RIBC2: variants seen among roughly 807,000 people sequenced by gnomAD.
RIBC2 encodes the protein RIB43A-like with coiled-coils protein 2.
RIBC2 carries 40 observed loss-of-function variants against 44.3 expected under a neutral mutation model. That is an observed-to-expected ratio of 0.90 (90% CI 0.70 to 1.18). The LOEUF (loss-of-function observed/expected upper bound fraction) is 1.18, where lower values mean the gene tolerates loss of function less well. Ranked by LOEUF, RIBC2 falls within the 50% of genes most tolerant of loss-of-function variation. The pLI, the probability that RIBC2 is intolerant of heterozygous loss-of-function variation, is 0.00. For missense variants in RIBC2, 459 were observed against 485.5 expected (o/e 0.95, Z 0.51); for synonymous variants, 171 against 175.0 (o/e 0.98, Z 0.18).
At chr22:45,429,880 G>A (rs370553220) in intron 5 of RIBC2, among the ~76,000 whole-genome samples, 4 of 152,184 alleles carry the variant, frequency 2.6e-5, no homozygotes, top group Admixed American at 6.5e-5. Context: ...ACTACTGCCC[G>A]CTTCCTTTCT....
intron 3 of RIBC2, among the ~76,000 whole-genome samples, chr22:45,421,499 T>TAATACTATTATTATTAA (rs2087478550): frequency 2.8e-5 from 1 of 35,170 alleles, no homozygotes; most frequent in African/African-American, 4.7e-4. Flanking sequence ...ATTATTATTA[T>TAATACTATTATTATTAA]TAATAATAGT....
rs2087529172 is a variant in RIBC2 at position 45,425,943 on chromosome 22, C to T, written c.676-5C>T. ...CCATCTTCTTTAATGTCTTCACCTG[C>T]TTAGGCCATCGAGTCAGTGGAAAGG... On this transcript the variant is annotated splice_region_variant and splice_polypyrimidine_tract_variant and intron_variant, in intron 4 of 6. Coordinates refer to ENST00000614167, the MANE Select transcript of RIBC2 (RefSeq NM_015653.5). 1.9e-6 allele frequency: 3 copies of T among 1,611,900 alleles called. No homozygotes were observed.
chr22:45,424,912 C>T (rs934465907), intron 4 of RIBC2, among the ~76,000 whole-genome samples: 12 of 151,910 alleles, frequency 7.9e-5, no homozygotes, highest in Admixed American at 7.2e-4. Context: ...TCTACCACCA[C>T]GCCCAGCTAA....
rs1054317007 is a variant in RIBC2 at position 45,432,446 on chromosome 22, C to T, written c.*84C>T. The T allele has an allele frequency of 1.5e-5, 13 of 854,176 alleles. No homozygotes were observed. Among genetic ancestry groups the T allele is most frequent in the Non-Finnish European group, 1.9e-5 (10 of 518,904 alleles). The allele number at this position is 854,176 out of a possible 1,614,324, so 52.9% of individuals were successfully genotyped here. A position where few individuals can be genotyped will look rare whatever the true frequency, so the allele number is the denominator to read the frequency against. On this transcript the variant is annotated 3_prime_UTR_variant, in exon 7 of 7. Transcript: ENST00000614167. ...CACGTTTCTTTTTTAAAGATACACTCCTTGGGCCACAAGTACCCTTCAGCT... is the reference window on the plus strand; with the variant it reads ...CACGTTTCTTTTTTAAAGATACACTTCTTGGGCCACAAGTACCCTTCAGCT...
In RIBC2 at chr22:45,413,743, C is replaced by A. The variant is rs2272804; in HGVS notation, c.-144C>A. On this transcript the variant is annotated 5_prime_UTR_variant, in exon 1 of 7. In the 5' UTR this introduces an upstream ATG that the reference lacks. Coordinates refer to ENST00000614167, the MANE Select transcript of RIBC2 (RefSeq NM_015653.5). ...GAGCGTCTGTACCTCTGCGGCGTCA[C>A]TGGGAGCCCGACGGAAAACTGCGCT... is the stretch of plus-strand genomic sequence containing the variant. 0.44 allele frequency: 557,825 copies of A among 1,266,372 alleles called. 127,701 individuals are homozygous for A. The highest frequency in any genetic ancestry group is 0.71 in the African/African-American group (47,440 of 66,418). The allele number at this position is 1,266,372 out of a possible 1,614,324, so 78.4% of individuals were successfully genotyped here.
At chr22:45,421,550 A>ATAGTATTAT (rs2087482353) in intron 3 of RIBC2, among the ~76,000 whole-genome samples, 1 of 31,224 alleles carries the variant, frequency 3.2e-5, no homozygotes. Context: ...AATATTAATA[A>ATAGTATTAT]TAATAATAGT....
chr22:45,432,368 A>T lies in RIBC2; in HGVS notation c.*6A>T. 2.5e-6 allele frequency: 4 copies of T among 1,575,154 alleles called. No individual in the cohort carries two copies. Among genetic ancestry groups the T allele is most frequent in the Non-Finnish European group, 2.6e-6 (3 of 1,147,586 alleles). On this transcript the variant is annotated 3_prime_UTR_variant, in exon 7 of 7. Coordinates refer to ENST00000614167, the MANE Select transcript of RIBC2 (RefSeq NM_015653.5). ...TTAATACAGGAAGTCGATAATGAGGAACACACCCTTGTTCCCGTCATTCAC... is the reference window on the plus strand; with the variant it reads ...TTAATACAGGAAGTCGATAATGAGGTACACACCCTTGTTCCCGTCATTCAC...
At position 45,430,895 on chromosome 22, in the gene RIBC2, TC is replaced by T; in HGVS notation, c.904-3del. The T allele has an allele frequency of 6.4e-7, 1 of 1,574,046 alleles. No individual in the cohort carries two copies. Among genetic ancestry groups the T allele is most frequent in the East Asian group, 2.3e-5 (1 of 43,768 alleles). ...GTGGTGGTGAGCCGCCTCTTTTCCT[TC>T]CAGAGGCTCCAGGAAGAAAAGCGCC... On this transcript the variant is annotated splice_region_variant and splice_polypyrimidine_tract_variant and intron_variant, in intron 5 of 6. Coordinates refer to ENST00000614167, the MANE Select transcript of RIBC2 (RefSeq NM_015653.5).
chr22:45,416,377 G>A (rs1212650641), intron 2 of RIBC2, among the ~76,000 whole-genome samples: 3 of 152,070 alleles, frequency 2.0e-5, no homozygotes, highest in South Asian at 2.1e-4. Context: ...ATGGATCAAA[G>A]GTAGTTTTAT....
intron 3 of RIBC2, among the ~76,000 whole-genome samples, chr22:45,421,861 C>T (rs539694419): frequency 6.6e-6 from 1 of 152,200 alleles, no homozygotes; most frequent in East Asian, 1.9e-4. Flanking sequence ...TATCTGTCAT[C>T]TGGCCCCACT....
Position 45,417,965 on chromosome 22 carries a change from C to A in RIBC2, c.556+19C>A. The A allele has an allele frequency of 1.3e-6, 2 of 1,526,490 alleles. No homozygotes were observed. The highest frequency in any genetic ancestry group is 1.8e-6 in the Non-Finnish European group (2 of 1,129,976). The allele number at this position is 1,526,490 out of a possible 1,614,324, so 94.6% of individuals were successfully genotyped here. On this transcript the variant is annotated intron_variant, in intron 3 of 6. Coordinates refer to ENST00000614167, the MANE Select transcript of RIBC2 (RefSeq NM_015653.5). ...TGCGCAGGTAATGAAACAGAAGAGA[C>A]GAGCTGGTCTCAACGCTCTCTTCAA... is the stretch of plus-strand genomic sequence containing the variant.
intron 4 of RIBC2, 77 bp from the exon 5 acceptor site, chr22:45,425,871 T>G: frequency 2.0e-4 from 244 of 1,245,658 alleles, no homozygotes; most frequent in Non-Finnish European, 2.4e-4. Flanking sequence ...GGGCCCCCAG[T>G]GAGATTTGCT....
intron 3 of RIBC2, 35 bp downstream of exon 3, chr22:45,417,981 C>G: frequency 7.1e-7 from 1 of 1,409,340 alleles, no homozygotes; most frequent in African/African-American, 1.5e-5. Context: ...GGTCTCAACG[C>G]TCTCTTCAAC....
At chr22:45,418,711 G>T (rs1377858224) in intron 3 of RIBC2, among the ~76,000 whole-genome samples, 1 of 152,128 alleles carries the variant, frequency 6.6e-6, no homozygotes, top group African/African-American at 2.4e-5. Context: ...GCCTTCTTGA[G>T]CGCCTCCTCT....
At chr22:45,425,620 G>A (rs2087526427) in intron 4 of RIBC2, among the ~76,000 whole-genome samples, 1 of 152,192 alleles carries the variant, frequency 6.6e-6, no homozygotes, top group Non-Finnish European at 1.5e-5. Context: ...GCCCTGCCTT[G>A]GGTGGGACCA....
chr22:45,419,267 C>T (rs1376265316), intron 3 of RIBC2, among the ~76,000 whole-genome samples: 3 of 151,972 alleles, frequency 2.0e-5, no homozygotes, highest in Non-Finnish European at 2.9e-5. Flanking sequence ...AAGATCAGCA[C>T]GAGTCCAATA....
intron 5 of RIBC2, among the ~76,000 whole-genome samples, chr22:45,427,460 C>G (rs1040726331): frequency 6.6e-6 from 1 of 152,198 alleles, no homozygotes; most frequent in Non-Finnish European, 1.5e-5. Flanking sequence ...TTATTCCAGA[C>G]AGTGAAGTGC....
chr22:45,418,443 A>G (rs2087447314), intron 3 of RIBC2, among the ~76,000 whole-genome samples: 2 of 152,146 alleles, frequency 1.3e-5, no homozygotes, highest in Non-Finnish European at 2.9e-5. Context: ...GCTCCAAGGC[A>G]TGAAACAGCC....
chr22:45,421,929 C>T (rs1296081230), intron 3 of RIBC2, among the ~76,000 whole-genome samples: 1 of 152,072 alleles, frequency 6.6e-6, no homozygotes, highest in Non-Finnish European at 1.5e-5. Context: ...CCCCTGAATC[C>T]TTTCCCAAAA....
Sources: allele counts gnomAD v4.1 joint callset (sites outside exome capture counted in the v4.1 genomes callset), GRCh38; gene constraint gnomAD v4.1.1; transcripts MANE v1.5; gene names NCBI Gene and HGNC (gene_info 2026-07-23, HGNC 2026-07-21).